The following CBLN2 variants were observed in gnomAD, a reference collection of about 807,000 sequenced individuals.
CBLN2 encodes the protein cerebellin 2 precursor.
Under a neutral mutation model 15.0 loss-of-function variants are expected in CBLN2, and 7 were observed. The ratio of observed to expected loss-of-function variants is 0.47; its 90% CI spans 0.27 to 0.88. The LOEUF (loss-of-function observed/expected upper bound fraction) is 0.88. Among genes scored for constraint, CBLN2 ranks in the 40% least tolerant of loss-of-function variants. CBLN2 has a pLI of 0.14. For missense variants in CBLN2, 242 were observed against 304.5 expected, an observed-to-expected ratio of 0.79 and a Z score of 1.53; for synonymous variants, 149 against 135.2, an observed-to-expected ratio of 1.10 and a Z score of -0.71.
At chr18:72,637,494 C>T (rs529986772) in intron 1 of CBLN2, among the ~76,000 whole-genome samples, 1 of 152,248 alleles carries the variant, frequency 6.6e-6, no homozygotes, top group Admixed American at 6.5e-5. Context: ...CAGAGGCTGG[C>T]GTGAATAGAA....
At chr18:72,600,789 G>A (rs1377039046) in intron 1 of CBLN2, among the ~76,000 whole-genome samples, 3 of 152,160 alleles carry the variant, frequency 2.0e-5, no homozygotes, top group East Asian at 3.9e-4. Flanking sequence ...GGTTTGGTGG[G>A]TGGGGGCTAA....
chr18:72,579,895 T>C (rs1057012597), intron 1 of CBLN2, among the ~76,000 whole-genome samples: 1 of 152,046 alleles, frequency 6.6e-6, no homozygotes, highest in Non-Finnish European at 1.5e-5. Context: ...AGTCATTTAG[T>C]CTCTGAGTCT....
At chr18:72,558,136 G>C (rs2069238077) in intron 1 of CBLN2, among the ~76,000 whole-genome samples, 1 of 152,148 alleles carries the variant, frequency 6.6e-6, no homozygotes, top group Admixed American at 6.5e-5. Context: ...TCCTAGAGAG[G>C]ATCTATGCTG....
chr18:72,608,001 C>G (rs1362908664), intron 1 of CBLN2, among the ~76,000 whole-genome samples: 1 of 152,210 alleles, frequency 6.6e-6, no homozygotes, highest in Non-Finnish European at 1.5e-5. Context: ...ACTCTTTCAA[C>G]AGGCTTGCAA....
chr18:72,581,311 A>G (rs775120261), intron 1 of CBLN2, among the ~76,000 whole-genome samples: 10 of 152,222 alleles, frequency 6.6e-5, no homozygotes, highest in Non-Finnish European at 8.8e-5. Flanking sequence ...AAGAGTTCCT[A>G]TCTTCTGCAA....
In CBLN2 at chr18:72,543,943, C is replaced by T. The variant is rs1256627510; in HGVS notation, c.-212+34G>A. The stretch of plus-strand genomic sequence containing the variant: ...CTCGGAACCTTCCCTGCTCCCAAGC[C>T]CGCCGCACCCTCCAACGCCCCGGTC... On this transcript the variant is annotated intron_variant, in intron 1 of 4. Transcript: ENST00000269503. This position sits in a 1 kb window ranked among gnomAD's most constrained non-coding sequence, Gnocchi z 6.8. 1 of 153,072 alleles carries T rather than the reference C, an allele frequency of 6.5e-6. No individual in the cohort carries two copies. Among genetic ancestry groups the T allele is most frequent in the African/African-American group, 2.4e-5 (1 of 41,464 alleles). 9.5% of individuals were successfully genotyped at this position (153,072 alleles called of 1,614,324 possible).
At position 72,590,033 on chromosome 18, in the gene CBLN2, C is replaced by T. The variant is rs368353685; in HGVS notation, c.15+48292G>A. 1.8e-4 allele frequency among the ~76,000 whole-genome samples: 27 copies of T among 152,070 alleles called. No individual in the cohort carries two copies. In the East Asian group the frequency reaches 4.6e-3, roughly 26 times the overall value. ...CTGTAATCCCAGCACTTTGGGAGGC[C>T]GAGGCGGGCAGATCACGAGGTCAGG... On this transcript the variant is annotated intron_variant, in intron 1 of 2. Coordinates refer to the CBLN2 transcript ENST00000581073.
intron 1 of CBLN2, among the ~76,000 whole-genome samples, chr18:72,622,602 T>G (rs1296011063): frequency 3.3e-5 from 5 of 152,186 alleles, no homozygotes; most frequent in African/African-American, 1.2e-4. Flanking sequence ...AGATCCCTTA[T>G]AAAAATTTCC....
intron 1 of CBLN2, among the ~76,000 whole-genome samples, chr18:72,636,962 G>C (rs1322151827): frequency 1.5e-5 from 2 of 137,646 alleles, no homozygotes; most frequent in Non-Finnish European, 3.1e-5. Flanking sequence ...CAATACACAT[G>C]AAAAAAAAAA....
At chr18:72,619,294 C>A in intron 1 of CBLN2, 2 of 648,484 alleles carry the variant, frequency 3.1e-6, no homozygotes, top group South Asian at 1.5e-5. Context: ...CAGGTTACAA[C>A]AGAATTGTGA....
intron 1 of CBLN2, among the ~76,000 whole-genome samples, chr18:72,551,264 A>G (rs2069190407): frequency 6.6e-6 from 1 of 152,202 alleles, no homozygotes; most frequent in Non-Finnish European, 1.5e-5. Context: ...CTATACATAT[A>G]TATGAAATGA....
chr18:72,544,810 T>C (rs1019481422), upstream of CBLN2, among the ~76,000 whole-genome samples: 1 of 152,150 alleles, frequency 6.6e-6, no homozygotes, highest in South Asian at 2.1e-4. Context: ...CATCGGTTAT[T>C]ATCGTCGGCA....
chr18:72,596,419 C>G (rs774302376), intron 1 of CBLN2, among the ~76,000 whole-genome samples: 1 of 152,040 alleles, frequency 6.6e-6, no homozygotes, highest in Non-Finnish European at 1.5e-5. Flanking sequence ...ATCAGTTCAT[C>G]TTTTCATCTT....
intron 1 of CBLN2, among the ~76,000 whole-genome samples, chr18:72,633,665 A>T (rs188648112): frequency 7.8e-4 from 119 of 152,296 alleles, no homozygotes; most frequent in Middle Eastern, 3.4e-3. Context: ...AACAATCTTA[A>T]ATATGCCTTA....
intron 1 of CBLN2, among the ~76,000 whole-genome samples, chr18:72,576,162 T>G (rs2069365294): frequency 6.6e-6 from 1 of 152,226 alleles, no homozygotes; most frequent in Admixed American, 6.5e-5. Context: ...CTATGCAGCT[T>G]TTTGTTGTTT....
chr18:72,587,045 C>T (rs1420543542), intron 1 of CBLN2, among the ~76,000 whole-genome samples: 1 of 151,598 alleles, frequency 6.6e-6, no homozygotes, highest in African/African-American at 2.4e-5. Context: ...ATCAAAATAG[C>T]GTATCATCAA....
At chr18:72,566,555 G>GA (rs1450121871) in intron 1 of CBLN2, among the ~76,000 whole-genome samples, 1 of 152,178 alleles carries the variant, frequency 6.6e-6, no homozygotes, top group Non-Finnish European at 1.5e-5. Context: ...GTCAGGCACA[G>GA]AAAAACAAAT....
chr18:72,631,514 A>G (rs2144979613), intron 1 of CBLN2, among the ~76,000 whole-genome samples: 1 of 152,266 alleles, frequency 6.6e-6, no homozygotes, highest in East Asian at 1.9e-4. Context: ...AAATCCACAA[A>G]GCACTTTCTG....
At chr18:72,634,058 AT>A (rs77943994) in intron 1 of CBLN2, among the ~76,000 whole-genome samples, 8,055 of 148,258 alleles carry the variant, frequency 0.054, 264 homozygotes, top group Middle Eastern at 0.081. Context: ...AAATAAAAAA[AT>A]AAAAATTCAT....
Sources: gnomAD v4.1 joint callset for allele counts (sites outside exome capture counted in the v4.1 genomes callset) on GRCh38, gnomAD v4.1.1 for gene constraint, Gnocchi (gnomAD v3.1) non-coding constraint, MANE v1.5 for transcripts, NCBI Gene and HGNC (gene_info 2026-07-23, HGNC 2026-07-21) for gene names.